BFSP2: variants seen among roughly 807,000 people sequenced by gnomAD.
The protein encoded by BFSP2 is beaded filament structural protein 2, also known as phakinin.
In BFSP2, 38 loss-of-function variants were observed where a neutral mutation model predicts 44.9. That is an observed-to-expected ratio of 0.85 (90% confidence interval 0.65 to 1.11). The LOEUF is 1.11. Among genes scored for constraint, BFSP2 ranks in the 50% least tolerant of loss-of-function variants. The probability of loss-of-function intolerance (pLI) is 0.00; values close to 1 mark genes in which losing one functional copy is unlikely to be tolerated. For synonymous variants in BFSP2, 197 were observed against 209.9 expected (o/e 0.94, Z 0.53); for missense variants, 525 against 533.0 (o/e 0.99, Z 0.15).
chr3:133,456,791 A>ATT (rs1476528692), intron 4 of BFSP2, among the ~76,000 whole-genome samples: 1 of 152,152 alleles, frequency 6.6e-6, no homozygotes, highest in Admixed American at 6.5e-5. Flanking sequence ...CTAACTTTTA[A>ATT]TTATGTTTAA....
At chr3:133,440,689 C>T (rs564219524) in intron 1 of BFSP2, among the ~76,000 whole-genome samples, 9 of 152,216 alleles carry the variant, frequency 5.9e-5, no homozygotes, top group Admixed American at 3.3e-4. Flanking sequence ...AACACTTTGT[C>T]CTCAGCATGA....
chr3:133,441,505 G>A (rs2073845026), intron 1 of BFSP2, among the ~76,000 whole-genome samples: 1 of 152,170 alleles, frequency 6.6e-6, no homozygotes, highest in Non-Finnish European at 1.5e-5. Context: ...TCTACTTGGG[G>A]AATTGTTGGT....
chr3:133,464,851 T>C (rs2074094493), intron 4 of BFSP2, among the ~76,000 whole-genome samples: 1 of 152,176 alleles, frequency 6.6e-6, no homozygotes, highest in African/African-American at 2.4e-5. Context: ...ACACAAGCTG[T>C]TGGCTAACCA....
chr3:133,431,859 C>T (rs1352641187), intron 1 of BFSP2, among the ~76,000 whole-genome samples: 1 of 152,138 alleles, frequency 6.6e-6, no homozygotes, highest in Non-Finnish European at 1.5e-5. Flanking sequence ...TTAGTTATCC[C>T]CACCTGCCCC....
chr3:133,442,935 G>T (rs2073859049), intron 1 of BFSP2, among the ~76,000 whole-genome samples: 1 of 151,606 alleles, frequency 6.6e-6, no homozygotes, highest in African/African-American at 2.4e-5. Flanking sequence ...TCAGCTCACT[G>T]CTACCTCTGC....
chr3:133,459,388 C>T (rs1300448938), intron 4 of BFSP2, among the ~76,000 whole-genome samples: 1 of 152,154 alleles, frequency 6.6e-6, no homozygotes, highest in Non-Finnish European at 1.5e-5. Flanking sequence ...TAGAATTAGA[C>T]TCATTGCTGA....
At chr3:133,472,932 C>T (rs114356993) in intron 6 of BFSP2, among the ~76,000 whole-genome samples, 2,871 of 151,628 alleles carry the variant, frequency 0.019, 31 homozygotes, top group Middle Eastern at 0.061. Flanking sequence ...AACTAATGTG[C>T]ACTCAAAACC....
intron 4 of BFSP2, among the ~76,000 whole-genome samples, chr3:133,461,235 CTTAA>C: frequency 6.6e-6 from 1 of 152,226 alleles, no homozygotes; most frequent in East Asian, 1.9e-4. Flanking sequence ...CTCTCAAATA[CTTAA>C]TTATTACTTA....
rs187862004 is a variant in BFSP2, at chr3:133,457,118, G to T, written c.891+6654G>T. The stretch of plus-strand genomic sequence containing the variant: ...ATTGCCATGTTAACCACCTGGGAAA[G>T]TTCCTTTCCAGGGGAACAGCAAAAG... On this transcript the variant is annotated intron_variant, in intron 4 of 6. Transcript: ENST00000302334. Among the ~76,000 whole-genome samples the T allele has an allele frequency of 5.6e-4, 86 of 152,362 alleles. 2 individuals are homozygous for T. The East Asian group carries it at 0.013, about 23-fold the overall frequency.
intron 1 of BFSP2, among the ~76,000 whole-genome samples, chr3:133,422,055 C>T (rs2107894704): frequency 7.9e-6 from 1 of 126,642 alleles, no homozygotes; most frequent in East Asian, 2.5e-4. Context: ...TGCAGTGAGC[C>T]AAGATAGCGC....
intron 1 of BFSP2, among the ~76,000 whole-genome samples, chr3:133,444,551 CA>C (rs768056950): frequency 6.6e-6 from 1 of 152,080 alleles, no homozygotes; most frequent in Non-Finnish European, 1.5e-5. Context: ...TAATGTGCCA[CA>C]GGGGTGGGCT....
At chr3:133,403,839 CAA>C in intron 1 of BFSP2, among the ~76,000 whole-genome samples, 1 of 151,996 alleles carries the variant, frequency 6.6e-6, no homozygotes, top group African/African-American at 2.4e-5. Flanking sequence ...CCAGAGGAGA[CAA>C]AGACAGGTTT....
intron 1 of BFSP2, among the ~76,000 whole-genome samples, chr3:133,416,075 T>G (rs2073524724): frequency 8.6e-6 from 1 of 116,540 alleles, no homozygotes; most frequent in South Asian, 3.4e-4. Context: ...CACCCTGCCA[T>G]CTTCCCTCTA....
At chr3:133,425,794 GGAAGGGAA>G (rs2073640941) in intron 1 of BFSP2, among the ~76,000 whole-genome samples, 1 of 133,408 alleles carries the variant, frequency 7.5e-6, no homozygotes, top group Admixed American at 7.4e-5. Flanking sequence ...GGAAGGGAAG[GGAAGGGAA>G]GAAGGGAAGG....
intron 1 of BFSP2, among the ~76,000 whole-genome samples, chr3:133,428,172 T>C (rs561237507): frequency 2.6e-5 from 4 of 152,244 alleles, no homozygotes; most frequent in South Asian, 4.2e-4. Context: ...AGAACACTTA[T>C]GTTAGATTGG....
intron 4 of BFSP2, among the ~76,000 whole-genome samples, chr3:133,452,853 G>A (rs1406808695): frequency 6.6e-6 from 1 of 151,992 alleles, no homozygotes; most frequent in Admixed American, 6.6e-5. Context: ...GTTTCTTTGG[G>A]AAAGGACAGA....
chr3:133,430,405 T>C (rs979191026), intron 1 of BFSP2, among the ~76,000 whole-genome samples: 3 of 151,748 alleles, frequency 2.0e-5, no homozygotes, highest in African/African-American at 2.4e-5. Flanking sequence ...CTCCACATCC[T>C]CTCCAGCACC....
chr3:133,450,323 A>G lies in BFSP2; in HGVS notation c.750A>G (p.Lys250=). ...NYEEDVKLLH[K]QLAGCELEQM... ...TTCAGGATGTGAAGCTGCTGCACAA[A>G]CAGTTGGCAGGGTGTGAGCTGGAAC... Residue 250 remains lysine (K), a synonymous_variant, in exon 4 of 7, where the codon AAA becomes AAG. Coordinates refer to ENST00000302334, the MANE Select transcript of BFSP2 (RefSeq NM_003571.4). 15 of 1,614,198 alleles carry G rather than the reference A, an allele frequency of 9.3e-6. No homozygotes were observed. The highest frequency in any genetic ancestry group is 1.1e-5 in the Non-Finnish European group (13 of 1,180,024).
At chr3:133,460,238 C>T (rs903103700) in intron 4 of BFSP2, among the ~76,000 whole-genome samples, 3 of 152,078 alleles carry the variant, frequency 2.0e-5, no homozygotes, top group African/African-American at 7.2e-5. Context: ...ATAGGTATTG[C>T]GATTTTAGCA....
Sources: gnomAD v4.1 joint callset for allele counts (sites outside exome capture counted in the v4.1 genomes callset) on GRCh38, gnomAD v4.1.1 for gene constraint, MANE v1.5 for transcripts, NCBI Gene and HGNC (gene_info 2026-07-23, HGNC 2026-07-21) for gene names.